DNAJC17: variants seen among roughly 807,000 people sequenced by gnomAD.
DNAJC17 encodes DnaJ heat shock protein family (Hsp40) member C17.
DNAJC17 carries 35 observed loss-of-function variants against 48.1 expected under a neutral mutation model. That is an observed-to-expected ratio of 0.73 (90% CI 0.56 to 0.96). The LOEUF (loss-of-function observed/expected upper bound fraction) is 0.96, where lower values mean the gene tolerates loss of function less well. Ranked by LOEUF, DNAJC17 falls within the 50% of genes least tolerant of loss-of-function variation. The pLI is 0.00. For missense variants in DNAJC17, 355 were observed against 377.1 expected, an observed-to-expected ratio of 0.94 and a Z score of 0.48; for synonymous variants, 117 against 142.7, an observed-to-expected ratio of 0.82 and a Z score of 1.28.
intron 6 of DNAJC17, 95 bp from the exon 7 acceptor site, chr15:40,775,691 G>A: frequency 7.7e-7 from 1 of 1,306,450 alleles, no homozygotes; most frequent in Non-Finnish European, 1.1e-6. Flanking sequence ...GTCTGGAAAG[G>A]GTCACTCCTG....
At chr15:40,791,236 A>T (rs1400946858) in intron 1 of DNAJC17, among the ~76,000 whole-genome samples, 1 of 152,126 alleles carries the variant, frequency 6.6e-6, no homozygotes, top group Non-Finnish European at 1.5e-5. Context: ...CTACAAAAAA[A>T]ATTTTAAAAA....
In DNAJC17 at chr15:40,767,227, T is replaced by G; in HGVS notation, c.*713A>C. 2 of 1,541,602 alleles carry G rather than the reference T, an allele frequency of 1.3e-6. No homozygotes were observed. Among genetic ancestry groups the G allele is most frequent in the Non-Finnish European group, 1.7e-6 (2 of 1,142,968 alleles). On this transcript the variant is annotated 3_prime_UTR_variant, in exon 11 of 11. Transcript: ENST00000220496. ...CCCCCCCATCCTGTCTCTTTGCAGTTATGAATACTACGTCGATGACCCTCC... is the reference window on the plus strand; with the variant it reads ...CCCCCCCATCCTGTCTCTTTGCAGTGATGAATACTACGTCGATGACCCTCC...
intron 10 of DNAJC17, among the ~76,000 whole-genome samples, chr15:40,768,348 C>T (rs1566817824): frequency 6.6e-6 from 1 of 152,216 alleles, no homozygotes; most frequent in Non-Finnish European, 1.5e-5. Context: ...ACCTGCGGGC[C>T]CTCTAAGCCA....
chr15:40,785,502 A>C (rs538073392), intron 1 of DNAJC17, among the ~76,000 whole-genome samples: 2 of 152,198 alleles, frequency 1.3e-5, no homozygotes, highest in Non-Finnish European at 2.9e-5. Flanking sequence ...TAAATCCTAC[A>C]CACAGGGCTG....
At chr15:40,800,448 T>A (rs1321522355) in intron 1 of DNAJC17, among the ~76,000 whole-genome samples, 1 of 152,072 alleles carries the variant, frequency 6.6e-6, no homozygotes, top group Non-Finnish European at 1.5e-5. Context: ...CATTTGTACA[T>A]CATCTTTGGG....
chr15:40,805,520 C>CT (rs1171113015), intron 1 of DNAJC17, among the ~76,000 whole-genome samples: 9 of 152,136 alleles, frequency 5.9e-5, no homozygotes, highest in African/African-American at 1.9e-4. Context: ...GCACTCCAGC[C>CT]TGGGCGACAG....
At chr15:40,775,683 C>A (rs964457745) in intron 6 of DNAJC17, 87 bp from the exon 7 acceptor site, 4 of 1,402,892 alleles carry the variant, frequency 2.9e-6, no homozygotes, top group Admixed American at 3.4e-5. Context: ...CAAGAAGGGT[C>A]TGGAAAGGGT....
intron 1 of DNAJC17, among the ~76,000 whole-genome samples, chr15:40,792,852 C>G (rs1889841564): frequency 6.6e-6 from 1 of 151,780 alleles, no homozygotes; most frequent in African/African-American, 2.4e-5. Context: ...CCTCCATTCT[C>G]CAGTCTACAA....
rs185523262 is a variant in DNAJC17 at position 40,779,168 on chromosome 15, G to T, written c.295+55C>A. On this transcript the variant is annotated intron_variant, in intron 4 of 10. Coordinates refer to ENST00000220496, the MANE Select transcript of DNAJC17 (RefSeq NM_018163.3). ...AAGTGAAGCTTCAGGTGAGGGAGAT[G>T]AATGAAAATGACCACAGGAAACCAC... is the stretch of plus-strand genomic sequence containing the variant. 1.7e-4 allele frequency: 254 copies of T among 1,537,256 alleles called. 2 individuals carry two copies. In the East Asian group the frequency reaches 5.6e-3, roughly 34 times the overall value.
chr15:40,780,672 G>C, intron 1 of DNAJC17: 1 of 266,838 alleles, frequency 3.7e-6, no homozygotes, highest in Non-Finnish European at 7.4e-6. Context: ...AAATTAGCTA[G>C]GCATAGTGGC....
intron 1 of DNAJC17, chr15:40,780,512 C>A: frequency 2.7e-6 from 1 of 368,244 alleles, no homozygotes; most frequent in Non-Finnish European, 5.4e-6. Flanking sequence ...AACGGGGAGA[C>A]TCATTTAAAA....
intron 1 of DNAJC17, among the ~76,000 whole-genome samples, chr15:40,803,060 G>T (rs1203338245): frequency 6.7e-6 from 1 of 148,256 alleles, no homozygotes; most frequent in African/African-American, 2.5e-5. Flanking sequence ...CAGTAATCAT[G>T]CCACTGACTC....
At chr15:40,776,165 A>T (rs1435903435) in intron 6 of DNAJC17, 31 bp downstream of exon 6, 2 of 1,605,804 alleles carry the variant, frequency 1.2e-6, no homozygotes, top group Non-Finnish European at 1.7e-6. Context: ...GCTACCTTGG[A>T]GGGGAGATAG....
intron 1 of DNAJC17, among the ~76,000 whole-genome samples, chr15:40,804,135 T>A (rs28716513): frequency 0.028 from 4,200 of 150,338 alleles, 192 homozygotes; most frequent in African/African-American, 0.1. Flanking sequence ...CCCAGCTTTT[T>A]TTTTTATATA....
intron 10 of DNAJC17, chr15:40,772,464 T>C (rs1467704898): frequency 6.0e-6 from 1 of 167,122 alleles, no homozygotes; most frequent in Non-Finnish European, 1.5e-5. Flanking sequence ...TGGAGTGTTA[T>C]CTGGGGCTGT....
intron 3 of DNAJC17, 95 bp from the exon 4 acceptor site, chr15:40,779,405 A>G: frequency 6.4e-7 from 1 of 1,555,806 alleles, no homozygotes; most frequent in Admixed American, 1.7e-5. Context: ...GAGCCATCAG[A>G]GTGGCAGCCT....
rs768378470 is a variant in DNAJC17, at chr15:40,776,234, C to G, written c.440G>C (p.Arg147Pro). ...RQLEEQQRLI[R>P]EQIRQERDQR... ...GTCACGCTCCTGGCGTATCTGCTCC[C>G]GGATGAGCCTCTGCTGTTCCTCCAG... Residue 147 changes from arginine (R) to proline (P), a missense_variant, in exon 6 of 11, where the codon CGG becomes CCG. By Grantham distance (103) the Arg-to-Pro change is moderately radical. Transcript: ENST00000220496. 5.0e-6 allele frequency: 8 copies of G among 1,614,136 alleles called. No homozygotes were observed. The highest frequency in any genetic ancestry group is 5.9e-6 in the Non-Finnish European group (7 of 1,180,034).
intron 10 of DNAJC17, chr15:40,772,276 G>A (rs1417125765): frequency 6.0e-6 from 1 of 167,190 alleles, no homozygotes; most frequent in Non-Finnish European, 1.5e-5. Flanking sequence ...CAGCAGCACT[G>A]GCTGGGCCAT....
intron 1 of DNAJC17, among the ~76,000 whole-genome samples, chr15:40,799,927 G>A (rs964052519): frequency 6.6e-6 from 1 of 152,028 alleles, no homozygotes; most frequent in Non-Finnish European, 1.5e-5. Flanking sequence ...ATAGCGCACT[G>A]TAGCCTGGAA....
Sources: gnomAD v4.1 joint callset for allele counts (sites outside exome capture counted in the v4.1 genomes callset) on GRCh38, gnomAD v4.1.1 for gene constraint, MANE v1.5 for transcripts, NCBI Gene and HGNC (gene_info 2026-07-23, HGNC 2026-07-21) for gene names.